Variants in EEPD1 observed in about 807,000 individuals in gnomAD.
EEPD1 encodes the protein endonuclease/exonuclease/phosphatase family domain-containing protein 1.
A neutral mutation model predicts 46.3 loss-of-function variants in EEPD1; 17 were observed. That is an observed-to-expected ratio of 0.37 (90% CI 0.25 to 0.55). EEPD1 has a LOEUF of 0.55. Ranked by LOEUF, EEPD1 falls within the 20% of genes least tolerant of loss-of-function variation. The pLI is 0.83. For synonymous variants in EEPD1, 313 were observed against 315.6 expected (o/e 0.99, Z 0.09); for missense variants, 673 against 745.6 (o/e 0.90, Z 1.13).
At position 36,155,061 on chromosome 7, in the gene EEPD1, C is replaced by T. The variant is rs764632704; in HGVS notation, c.737C>T (p.Pro246Leu). ...CCCACCCAGATTATCTCCACTCGGC[C>T]GTCCGTGGAGGCCTTTGGAGGCACA... ...GGPTQIISTR[P>L]SVEAFGGTRD... The change falls in exon 2 of 8, where the codon CCG (proline) becomes CTG (leucine). Residue 246 changes from proline (P) to leucine (L), a missense_variant. Transcript: ENST00000242108. 4.4e-6 allele frequency: 7 copies of T among 1,595,422 alleles called. No homozygotes were observed. Among genetic ancestry groups the T allele is most frequent in the Admixed American group, 1.7e-5 (1 of 58,722 alleles).
intron 3 of EEPD1, among the ~76,000 whole-genome samples, chr7:36,240,224 A>G (rs543783175): frequency 1.3e-5 from 2 of 152,334 alleles, no homozygotes; most frequent in South Asian, 4.1e-4. Context: ...AGCCAAGATC[A>G]TGCCACTGCA....
At chr7:36,258,885 GAAA>G (rs35478776) in intron 3 of EEPD1, among the ~76,000 whole-genome samples, 1 of 115,106 alleles carries the variant, frequency 8.7e-6, no homozygotes, top group Non-Finnish European at 1.8e-5. Context: ...ACTGGGGTAT[GAAA>G]AAAAAAAAAA....
intron 2 of EEPD1, among the ~76,000 whole-genome samples, chr7:36,200,610 G>A (rs1255717087): frequency 6.6e-6 from 1 of 152,206 alleles, no homozygotes; most frequent in African/African-American, 2.4e-5. Context: ...AGGACATTGT[G>A]GGATGTTAGA....
chr7:36,284,555 G>A, intron 4 of EEPD1, 131 bp from the exon 5 acceptor site: 1 of 1,154,712 alleles, frequency 8.7e-7, no homozygotes, highest in Non-Finnish European at 1.2e-6. Context: ...TTCGTGGTGT[G>A]CTTTTGGTTT....
At chr7:36,216,988 A>G (rs999489562) in intron 2 of EEPD1, among the ~76,000 whole-genome samples, 1 of 152,210 alleles carries the variant, frequency 6.6e-6, no homozygotes, top group Non-Finnish European at 1.5e-5. Context: ...TGCCATAACT[A>G]TATGCTTTAT....
intron 2 of EEPD1, among the ~76,000 whole-genome samples, chr7:36,232,003 CAGG>C (rs1392135833): frequency 2.0e-5 from 3 of 152,296 alleles, no homozygotes; most frequent in Admixed American, 2.0e-4. Context: ...CTGCAACTCT[CAGG>C]AGGACAAAAC....
chr7:36,206,719 C>T (rs910305986), intron 2 of EEPD1, among the ~76,000 whole-genome samples: 2 of 152,200 alleles, frequency 1.3e-5, no homozygotes, highest in African/African-American at 4.8e-5. Flanking sequence ...CTTCCAGTTA[C>T]AGGACACTTT....
chr7:36,299,204 T>C lies in EEPD1; in HGVS notation c.1708T>C (p.Ter570ArgextTer1). The C allele has an allele frequency of 1.2e-6, 2 of 1,613,660 alleles. No homozygotes were observed. Among genetic ancestry groups the C allele is most frequent in the Non-Finnish European group, 1.7e-6 (2 of 1,179,744 alleles). Residue 570 changes from the stop codon to arginine (R), a stop_lost, in exon 8 of 8, where the codon TGA becomes CGA. Transcript: ENST00000242108. Reference protein sequence around the residue: ...RSEANIKHER* With the variant: ...RSEANIKHERR ...TGAAGCCAACATCAAGCACGAGCGA[T>C]GATGACACCAAATCCATGTGTCCAC...
At chr7:36,239,593 T>C (rs1786518951) in intron 3 of EEPD1, among the ~76,000 whole-genome samples, 1 of 152,190 alleles carries the variant, frequency 6.6e-6, no homozygotes, top group Admixed American at 6.5e-5. Flanking sequence ...ATTGAGAAAC[T>C]GCCTCTCTGC....
chr7:36,264,203 A>G (rs978052717), intron 3 of EEPD1, among the ~76,000 whole-genome samples: 2 of 152,144 alleles, frequency 1.3e-5, no homozygotes, highest in African/African-American at 4.8e-5. Flanking sequence ...TCAGTTCCTC[A>G]TTTATATTGT....
intron 2 of EEPD1, among the ~76,000 whole-genome samples, chr7:36,234,067 G>A (rs1326945344): frequency 2.6e-5 from 4 of 152,044 alleles, no homozygotes; most frequent in Admixed American, 2.0e-4. Flanking sequence ...ACAGGCGCCC[G>A]CCACCATGCC....
chr7:36,299,341 C>G lies in EEPD1; in HGVS notation c.*135C>G, dbSNP rs566593787. 1.6e-4 allele frequency: 180 copies of G among 1,090,962 alleles called. 2 individuals are homozygous for G. The South Asian group carries it at 2.7e-3, about 16-fold the overall frequency. The allele number at this position is 1,090,962 out of a possible 1,614,324, so 67.6% of individuals were successfully genotyped here. A position where few individuals can be genotyped will look rare whatever the true frequency, so the allele number is the denominator to read the frequency against. ...AGCATCAGCACTTGAGGCCTTGCCC[C>G]ACGCCTTCTCTGTGGACCATTCAGG... On this transcript the variant is annotated 3_prime_UTR_variant, in exon 8 of 8. Transcript: ENST00000242108.
chr7:36,212,209 A>G (rs1177516633), intron 2 of EEPD1, among the ~76,000 whole-genome samples: 1 of 152,186 alleles, frequency 6.6e-6, no homozygotes, highest in East Asian at 1.9e-4. Context: ...ATGAGATGTC[A>G]GTTTTCCTCT....
chr7:36,269,813 A>G (rs1449176853), intron 3 of EEPD1, among the ~76,000 whole-genome samples: 1 of 152,248 alleles, frequency 6.6e-6, no homozygotes, highest in Non-Finnish European at 1.5e-5. Flanking sequence ...AGATATTGCC[A>G]TTTGAAATTC....
chr7:36,249,860 T>C (rs1400766067), intron 3 of EEPD1, among the ~76,000 whole-genome samples: 1 of 152,010 alleles, frequency 6.6e-6, no homozygotes, highest in Non-Finnish European at 1.5e-5. Flanking sequence ...ACAGTAGCAA[T>C]AAGTGCTTTA....
chr7:36,188,450 G>A (rs1426095222), intron 2 of EEPD1, among the ~76,000 whole-genome samples: 1 of 152,144 alleles, frequency 6.6e-6, no homozygotes, highest in Non-Finnish European at 1.5e-5. Flanking sequence ...TGGGTGCTGT[G>A]GTCATGACCT....
At chr7:36,196,097 C>G (rs925433325) in intron 2 of EEPD1, among the ~76,000 whole-genome samples, 2 of 152,062 alleles carry the variant, frequency 1.3e-5, no homozygotes, top group African/African-American at 2.4e-5. Context: ...ACCTATCTAG[C>G]TAAACATAGA....
chr7:36,185,043 A>C (rs1396048777), intron 2 of EEPD1, among the ~76,000 whole-genome samples: 1 of 152,160 alleles, frequency 6.6e-6, no homozygotes, highest in African/African-American at 2.4e-5. Context: ...AAATATAAAG[A>C]ATTAATGATC....
intron 2 of EEPD1, among the ~76,000 whole-genome samples, chr7:36,200,496 C>T (rs1264111332): frequency 6.6e-6 from 1 of 152,190 alleles, no homozygotes; most frequent in Admixed American, 6.5e-5. Context: ...TCCTGCATCA[C>T]ATTGCTTTAA....
Sources: gnomAD v4.1 joint callset for allele counts (sites outside exome capture counted in the v4.1 genomes callset) on GRCh38, gnomAD v4.1.1 for gene constraint, MANE v1.5 for transcripts, NCBI Gene and HGNC (gene_info 2026-07-23, HGNC 2026-07-21) for gene names.